Variants in RANBP2 observed in about 807,000 individuals in gnomAD.
RANBP2 encodes E3 SUMO-protein ligase RanBP2.
RANBP2 carries 57 observed loss-of-function variants against 303.6 expected under a neutral mutation model. The observed-to-expected ratio is 0.19, with a 90% CI of 0.15 to 0.23. The LOEUF (loss-of-function observed/expected upper bound fraction) is 0.23. Among genes scored for constraint, RANBP2 ranks in the 10% least tolerant of loss-of-function variants. RANBP2 has a pLI of 1.00. For missense variants in RANBP2, 3,138 were observed against 3,780.8 expected, an observed-to-expected ratio of 0.83 and a Z score of 4.46; for synonymous variants, 1,167 against 1,301.5, an observed-to-expected ratio of 0.90 and a Z score of 2.23.
the RANBP2 span, among the ~76,000 whole-genome samples, chr2:109,751,518 GA>G: frequency 6.8e-6 from 1 of 146,342 alleles, no homozygotes; most frequent in Non-Finnish European, 1.5e-5. Context: ...GATTGTACAG[GA>G]GTGGACTCCA....
chr2:109,062,597 A>G, the RANBP2 span, among the ~76,000 whole-genome samples: 1 of 152,008 alleles, frequency 6.6e-6, no homozygotes, highest in African/African-American at 2.4e-5. Flanking sequence ...CAAAGCCCCT[A>G]TTCAGGTGGA....
At chr2:109,232,526 C>T in the RANBP2 span, among the ~76,000 whole-genome samples, 1 of 152,120 alleles carries the variant, frequency 6.6e-6, no homozygotes, top group Non-Finnish European at 1.5e-5. Flanking sequence ...AACAGCACAG[C>T]GTCTCCCATG....
At chr2:108,924,201 G>T in the RANBP2 span, among the ~76,000 whole-genome samples, 1 of 152,204 alleles carries the variant, frequency 6.6e-6, no homozygotes, top group Non-Finnish European at 1.5e-5. Context: ...ATGTCTTTCA[G>T]CTCCCCGATG....
chr2:109,578,877 A>G, the RANBP2 span, among the ~76,000 whole-genome samples: 3 of 152,232 alleles, frequency 2.0e-5, no homozygotes, highest in Non-Finnish European at 4.4e-5. Context: ...TAAATGCATA[A>G]GGCTGAAAAT....
At chr2:109,371,751 C>T in the RANBP2 span, 5 of 1,356,482 alleles carry the variant, frequency 3.7e-6, no homozygotes, top group South Asian at 1.2e-5. Flanking sequence ...GTGGGGTCAC[C>T]TGACCTTCAA....
chr2:108,772,437 G>A, intron 21 of RANBP2, 52 bp from the exon 22 acceptor site: 1 of 1,516,722 alleles, frequency 6.6e-7, no homozygotes, highest in East Asian at 2.3e-5. Context: ...CCCTAAGCAA[G>A]GAAAACCCCC....
the RANBP2 span, among the ~76,000 whole-genome samples, chr2:109,217,140 C>T: frequency 4.1e-3 from 624 of 152,348 alleles, 3 homozygotes; most frequent in Non-Finnish European, 5.8e-3. Flanking sequence ...CCTATTCCAT[C>T]GTACGGTCAT....
At chr2:109,689,503 G>C in the RANBP2 span, among the ~76,000 whole-genome samples, 1 of 152,192 alleles carries the variant, frequency 6.6e-6, no homozygotes, top group Admixed American at 6.5e-5. Context: ...AGCATCTGGG[G>C]TCAGCAGGCA....
the RANBP2 span, chr2:109,566,006 C>T: frequency 8.5e-6 from 6 of 706,654 alleles, no homozygotes; most frequent in Non-Finnish European, 1.5e-5. Context: ...TAAAACCTGC[C>T]AGTGAATATG....
intron 7 of RANBP2, among the ~76,000 whole-genome samples, chr2:108,743,373 G>A (rs1160041853): frequency 6.6e-6 from 1 of 152,154 alleles, no homozygotes; most frequent in East Asian, 1.9e-4. Context: ...GGGCTCAAGT[G>A]ATCCTCTCCT....
At chr2:109,531,242 C>CTGACA in the RANBP2 span, among the ~76,000 whole-genome samples, 1 of 152,224 alleles carries the variant, frequency 6.6e-6, no homozygotes, top group African/African-American at 2.4e-5. Flanking sequence ...AGGCACAATT[C>CTGACA]TGACACTTGG....
chr2:108,919,188 C>T, the RANBP2 span, among the ~76,000 whole-genome samples: 3 of 152,238 alleles, frequency 2.0e-5, no homozygotes, highest in East Asian at 3.9e-4. Context: ...TTTAGTGTCA[C>T]GGAAGAGCAT....
At chr2:108,900,281 C>T in the RANBP2 span, among the ~76,000 whole-genome samples, 4 of 152,178 alleles carry the variant, frequency 2.6e-5, no homozygotes, top group African/African-American at 2.4e-5. Flanking sequence ...AAAGGCTGGG[C>T]CTGGTGGCTC....
the RANBP2 span, among the ~76,000 whole-genome samples, chr2:109,295,361 G>A: frequency 6.6e-6 from 1 of 152,244 alleles, no homozygotes; most frequent in Non-Finnish European, 1.5e-5. Context: ...CACACAGCTG[G>A]TGAGCACCAG....
intron 8 of RANBP2, 54 bp from the exon 9 acceptor site, chr2:108,748,866 C>G: frequency 6.2e-7 from 1 of 1,611,664 alleles, no homozygotes. Flanking sequence ...ACAACGTGAG[C>G]AAATACAATC....
the RANBP2 span, among the ~76,000 whole-genome samples, chr2:109,285,665 A>G: frequency 9.9e-5 from 15 of 152,050 alleles, no homozygotes; most frequent in African/African-American, 3.6e-4. Context: ...TGAGTGTCCT[A>G]TGGGGAAAAG....
At chr2:109,065,652 G>C in the RANBP2 span, among the ~76,000 whole-genome samples, 1 of 152,208 alleles carries the variant, frequency 6.6e-6, no homozygotes, top group African/African-American at 2.4e-5. Flanking sequence ...AGATCGTGAT[G>C]CTCTGACACC....
At chr2:109,119,975 A>G in the RANBP2 span, among the ~76,000 whole-genome samples, 4 of 152,246 alleles carry the variant, frequency 2.6e-5, no homozygotes, top group Non-Finnish European at 5.9e-5. Context: ...CATATTCAAA[A>G]TGTTCTTAAT....
chr2:108,917,245 A>T, the RANBP2 span, among the ~76,000 whole-genome samples: 1 of 152,276 alleles, frequency 6.6e-6, no homozygotes, highest in African/African-American at 2.4e-5. Flanking sequence ...AAAGGAGTGG[A>T]TCTCATAGAA....
Sources: gnomAD v4.1 joint callset for allele counts (sites outside exome capture counted in the v4.1 genomes callset) on GRCh38, gnomAD v4.1.1 for gene constraint, MANE v1.5 for transcripts, NCBI Gene and HGNC (gene_info 2026-07-23, HGNC 2026-07-21) for gene names.